KIAA1549L: variants seen among roughly 807,000 people sequenced by gnomAD.
The protein encoded by KIAA1549L is UPF0606 protein KIAA1549L.
A neutral mutation model predicts 160.7 loss-of-function variants in KIAA1549L; 88 were observed. The observed-to-expected ratio is 0.55, with a 90% CI of 0.46 to 0.65. KIAA1549L has a LOEUF of 0.65. KIAA1549L is among the 30% of genes least tolerant of loss of function. The pLI is 0.00. For synonymous variants in KIAA1549L, 950 were observed against 976.7 expected (o/e 0.97, Z 0.51); for missense variants, 2,258 against 2,437.5 (o/e 0.93, Z 1.55).
chr11:33,500,313 A>G (rs1397871841), intron 1 of KIAA1549L, among the ~76,000 whole-genome samples: 1 of 152,184 alleles, frequency 6.6e-6, no homozygotes, highest in Non-Finnish European at 1.5e-5. Flanking sequence ...TAGTACTGAT[A>G]TGAGAATTAA....
In KIAA1549L at chr11:33,543,216, T is replaced by C. The variant is rs768870067; in HGVS notation, c.1653T>C (p.Leu551=). Residue 551 remains leucine (L), a synonymous_variant, in exon 2 of 21, where the codon CTT becomes CTC. Coordinates refer to ENST00000658780, the MANE Select transcript of KIAA1549L (RefSeq NM_012194.3). The part of the protein sequence containing the change: ...LLLSSKVPNL[L]STSWTFPRWK... ...TCTCAAGCAAAGTTCCTAATCTTCT[T>C]TCCACATCTTGGACATTTCCCCGGT... 1.2e-6 allele frequency: 2 copies of C among 1,614,048 alleles called. No individual in the cohort carries two copies. Among genetic ancestry groups the C allele is most frequent in the Admixed American group, 3.3e-5 (2 of 60,032 alleles).
chr11:33,441,070 C>G (rs969250839), intron 1 of KIAA1549L, among the ~76,000 whole-genome samples: 2 of 140,904 alleles, frequency 1.4e-5, no homozygotes, highest in South Asian at 5.3e-4. Flanking sequence ...TCCCTCCCCC[C>G]TCCCCCTACC....
In KIAA1549L at chr11:33,435,759, G is replaced by GAGATATATAT. The variant is rs1429879805; in HGVS notation, c.238+58871_238+58872insGATATATATA. On this transcript the variant is annotated intron_variant, in intron 1 of 20. Transcript: ENST00000658780. ...CCTTCCAGAGAAACAGAACCAATAA[G>GAGATATATAT]ATATATATATATATATATATATATA... is the stretch of plus-strand genomic sequence containing the variant. Among the ~76,000 whole-genome samples, 127 of 14,954 alleles carry GAGATATATAT rather than the reference G, an allele frequency of 8.5e-3. 31 individuals carry two copies. The highest frequency in any genetic ancestry group is 0.021 in the East Asian group (11 of 514). 9.8% of individuals were successfully genotyped at this position (14,954 alleles called of 152,430 possible).
intron 6 of KIAA1549L, among the ~76,000 whole-genome samples, chr11:33,558,377 C>A (rs1854720437): frequency 6.6e-6 from 1 of 152,130 alleles, no homozygotes; most frequent in African/African-American, 2.4e-5. Context: ...TGGGAGTGAG[C>A]TTTGACCCCG....
At chr11:33,628,394 T>C (rs1210466091) in intron 16 of KIAA1549L, among the ~76,000 whole-genome samples, 14 of 151,552 alleles carry the variant, frequency 9.2e-5, no homozygotes, top group African/African-American at 2.2e-4. Flanking sequence ...GTGTTAAAGT[T>C]TCCCATTATT....
chr11:33,545,946 A>G lies in KIAA1549L; in HGVS notation c.3385+568A>G, dbSNP rs76823771. ...AGCAAAAGCACAGCTTCTGCACACT[A>G]TGTGGGAGCCCAGGATTTCTTTTGA... On this transcript the variant is annotated intron_variant, in intron 3 of 20. Transcript: ENST00000658780. 3.2e-3 allele frequency among the ~76,000 whole-genome samples: 485 copies of G among 152,330 alleles called. 3 individuals carry two copies. Among genetic ancestry groups the G allele is most frequent in the African/African-American group, 0.01 (427 of 41,574 alleles).
At chr11:33,417,381 C>G (rs976190915) in intron 1 of KIAA1549L, among the ~76,000 whole-genome samples, 2 of 152,190 alleles carry the variant, frequency 1.3e-5, no homozygotes, top group African/African-American at 4.8e-5. Flanking sequence ...ACTGTAGGCG[C>G]TGCACACTGG....
chr11:33,425,357 A>G (rs762692133), intron 1 of KIAA1549L, among the ~76,000 whole-genome samples: 9 of 152,178 alleles, frequency 5.9e-5, no homozygotes, highest in Non-Finnish European at 1.0e-4. Flanking sequence ...ACTTGCAGCA[A>G]ATAAAGTGCA....
chr11:33,635,888 C>T (rs1440141856), intron 16 of KIAA1549L, among the ~76,000 whole-genome samples: 1 of 152,196 alleles, frequency 6.6e-6, no homozygotes, highest in Non-Finnish European at 1.5e-5. Context: ...ATCCAGTAGT[C>T]ACCACTTATC....
chr11:33,593,259 G>A (rs904829797), intron 12 of KIAA1549L, among the ~76,000 whole-genome samples: 5 of 152,052 alleles, frequency 3.3e-5, no homozygotes, highest in East Asian at 3.9e-4. Context: ...GCAAGACCTC[G>A]TCTCTACAAA....
At chr11:33,475,322 A>G (rs72911165) in intron 1 of KIAA1549L, among the ~76,000 whole-genome samples, 1 of 152,356 alleles carries the variant, frequency 6.6e-6, no homozygotes, top group Non-Finnish European at 1.5e-5. Flanking sequence ...GAGCTTGTAA[A>G]TATAGCCTGT....
intron 1 of KIAA1549L, among the ~76,000 whole-genome samples, chr11:33,491,353 G>A (rs1396110928): frequency 6.6e-6 from 1 of 152,172 alleles, no homozygotes; most frequent in South Asian, 2.1e-4. Context: ...TATGATGCAA[G>A]ACCAAAGAAT....
Position 33,543,978 on chromosome 11 carries a change from C to A in KIAA1549L, c.2415C>A (p.Ser805Arg), listed in dbSNP as rs1200838213. 6.2e-7 allele frequency: 1 copy of A among 1,613,868 alleles called. No homozygotes were observed. Among genetic ancestry groups the A allele is most frequent in the African/African-American group, 1.3e-5 (1 of 74,922 alleles). The part of the protein sequence containing the change: ...VGSHIDLWPT[S>R]NNNHSRDFQT... ...GCCATATAGACCTCTGGCCCACAAGCAATAACAACCATTCCAGAGACTTCC... is the reference window on the plus strand; with the variant it reads ...GCCATATAGACCTCTGGCCCACAAGAAATAACAACCATTCCAGAGACTTCC... Residue 805 changes from serine (S) to arginine (R), a missense_variant, in exon 2 of 21, where the codon AGC (serine) becomes AGA (arginine). Coordinates refer to ENST00000658780, the MANE Select transcript of KIAA1549L (RefSeq NM_012194.3).
chr11:33,455,074 G>A (rs1020624832), intron 1 of KIAA1549L, among the ~76,000 whole-genome samples: 2 of 151,688 alleles, frequency 1.3e-5, no homozygotes, highest in Non-Finnish European at 2.9e-5. Flanking sequence ...GGGCGACAGA[G>A]TGAGACTCCA....
chr11:33,466,992 A>G (rs567861571), intron 1 of KIAA1549L, among the ~76,000 whole-genome samples: 2 of 152,036 alleles, frequency 1.3e-5, no homozygotes, highest in South Asian at 4.2e-4. Context: ...TGGGGCAGGG[A>G]TAGTGTTAGG....
At chr11:33,644,132 ATTAC>A (rs1851657857) in intron 16 of KIAA1549L, among the ~76,000 whole-genome samples, 1 of 152,218 alleles carries the variant, frequency 6.6e-6, no homozygotes, top group African/African-American at 2.4e-5. Flanking sequence ...AATATTTTAA[ATTAC>A]TTACTGTAGA....
rs1378249710 is a variant in KIAA1549L, at chr11:33,484,352, CT to C, written c.239-57449del. Among the ~76,000 whole-genome samples, 8 of 152,314 alleles carry C rather than the reference CT, an allele frequency of 5.3e-5. No individual in the cohort carries two copies. In the East Asian group the frequency reaches 1.2e-3, roughly 22 times the overall value. ...CACCGCCTTTGTTTTCCTCTTCCCC[CT>C]GATTCCCCTTGTCATGTGGTATGGA... On this transcript the variant is annotated intron_variant, in intron 1 of 20. Transcript: ENST00000658780.
intron 1 of KIAA1549L, among the ~76,000 whole-genome samples, chr11:33,522,206 C>A (rs1348942657): frequency 2.0e-5 from 3 of 152,084 alleles, no homozygotes; most frequent in East Asian, 3.8e-4. Context: ...TTTTTACAGT[C>A]TTAGAGGCAA....
intron 1 of KIAA1549L, among the ~76,000 whole-genome samples, chr11:33,500,167 C>T (rs1852911858): frequency 6.6e-6 from 1 of 152,128 alleles, no homozygotes; most frequent in African/African-American, 2.4e-5. Context: ...TTTAGACTGG[C>T]TTTTTCAGGG....
Sources: allele counts gnomAD v4.1 joint callset (sites outside exome capture counted in the v4.1 genomes callset), GRCh38; gene constraint gnomAD v4.1.1; transcripts MANE v1.5; gene names NCBI Gene and HGNC (gene_info 2026-07-23, HGNC 2026-07-21).